GRID2: variants seen among roughly 807,000 people sequenced by gnomAD.
GRID2 encodes glutamate ionotropic receptor delta type subunit 2, also known as glutamate receptor ionotropic, delta-2.
In GRID2, 33 loss-of-function variants were observed where a neutral mutation model predicts 114.8. The ratio of observed to expected loss-of-function variants is 0.29; its 90% CI spans 0.22 to 0.38. The LOEUF (loss-of-function observed/expected upper bound fraction) is 0.38, where lower values mean the gene tolerates loss of function less well. Among genes scored for constraint, GRID2 ranks in the 10% least tolerant of loss-of-function variants. The probability of loss-of-function intolerance (pLI) is 1.00; values close to 1 mark genes in which losing one functional copy is unlikely to be tolerated. For synonymous variants in GRID2, 505 were observed against 449.9 expected (o/e 1.12, Z -1.55); for missense variants, 1,184 against 1,257.7 (o/e 0.94, Z 0.89).
intron 2 of GRID2, among the ~76,000 whole-genome samples, chr4:93,045,601 A>G (rs1482378696): frequency 2.0e-5 from 3 of 152,108 alleles, no homozygotes; most frequent in Non-Finnish European, 4.4e-5. Flanking sequence ...ATATGGGGGT[A>G]ATAATTCAAA....
chr4:93,711,529 C>T (rs966831787), intron 14 of GRID2, among the ~76,000 whole-genome samples: 4 of 152,208 alleles, frequency 2.6e-5, no homozygotes, highest in African/African-American at 7.2e-5. Context: ...CCCCAGAGCA[C>T]TTCAGCCCAC....
intron 1 of GRID2, among the ~76,000 whole-genome samples, chr4:92,345,975 T>G (rs1727743173): frequency 6.6e-6 from 1 of 152,254 alleles, no homozygotes; most frequent in African/African-American, 2.4e-5. Flanking sequence ...AGTAAATTTA[T>G]ATGTTTATGT....
intron 2 of GRID2, among the ~76,000 whole-genome samples, chr4:92,888,942 G>T (rs962185817): frequency 6.6e-6 from 1 of 151,564 alleles, no homozygotes; most frequent in African/African-American, 2.4e-5. Context: ...CATTTTACAG[G>T]TCAATTTTAT....
chr4:93,584,480 A>G (rs938654283), intron 13 of GRID2, among the ~76,000 whole-genome samples: 1 of 152,076 alleles, frequency 6.6e-6, no homozygotes, highest in Non-Finnish European at 1.5e-5. Context: ...ATGGTTGAAA[A>G]TGTTGTTTTT....
At chr4:92,549,494 G>C (rs915006908) in intron 1 of GRID2, among the ~76,000 whole-genome samples, 2 of 152,056 alleles carry the variant, frequency 1.3e-5, no homozygotes, top group South Asian at 4.1e-4. Context: ...CTTAGTCTTA[G>C]AAAATTCTCT....
chr4:92,507,198 T>C (rs1724020900), intron 1 of GRID2, among the ~76,000 whole-genome samples: 1 of 151,966 alleles, frequency 6.6e-6, no homozygotes. Flanking sequence ...TTTGATAGCT[T>C]TACATGCAGT....
intron 4 of GRID2, among the ~76,000 whole-genome samples, chr4:93,156,652 TTGGC>T: frequency 6.6e-6 from 1 of 151,778 alleles, no homozygotes; most frequent in Non-Finnish European, 1.5e-5. Context: ...GATGGATACT[TTGGC>T]AAGGGTGGAA....
intron 11 of GRID2, among the ~76,000 whole-genome samples, chr4:93,468,029 C>A (rs1724456102): frequency 6.6e-6 from 1 of 152,166 alleles, no homozygotes; most frequent in South Asian, 2.1e-4. Flanking sequence ...CATATTGCAT[C>A]ATTTCTTCTA....
At chr4:92,451,198 A>C (rs1720905477) in intron 1 of GRID2, among the ~76,000 whole-genome samples, 1 of 152,142 alleles carries the variant, frequency 6.6e-6, no homozygotes, top group Non-Finnish European at 1.5e-5. Flanking sequence ...AAGAATGTAC[A>C]TTGGTTCTGA....
At chr4:93,286,347 T>C (rs1363685331) in intron 8 of GRID2, among the ~76,000 whole-genome samples, 1 of 152,130 alleles carries the variant, frequency 6.6e-6, no homozygotes, top group East Asian at 1.9e-4. Context: ...ATACCAATGA[T>C]TGGCTCCCAG....
chr4:92,640,456 C>T (rs749757735), intron 2 of GRID2, among the ~76,000 whole-genome samples: 9 of 151,678 alleles, frequency 5.9e-5, no homozygotes, highest in African/African-American at 1.5e-4. Context: ...GAAAAATTAA[C>T]GTAAAATCAT....
At position 92,648,714 on chromosome 4, in the gene GRID2, T is replaced by C. The variant is rs1214491382; in HGVS notation, c.244+58428T>C. On this transcript the variant is annotated intron_variant, in intron 2 of 15. Coordinates refer to ENST00000282020, the MANE Select transcript of GRID2 (RefSeq NM_001510.4). ...CAAGGGCATTGCTTGAAATGAGTTATGGAAGTATACCACAACCATTTTAGT... is the reference window on the plus strand; with the variant it reads ...CAAGGGCATTGCTTGAAATGAGTTACGGAAGTATACCACAACCATTTTAGT... 1.3e-5 allele frequency among the ~76,000 whole-genome samples: 2 copies of C among 149,260 alleles called. 1 individual carries two copies. Among genetic ancestry groups the C allele is most frequent in the African/African-American group, 5.1e-5 (2 of 39,576 alleles).
intron 1 of GRID2, among the ~76,000 whole-genome samples, chr4:92,314,095 TTTTTTC>T (rs989670615): frequency 2.0e-5 from 3 of 152,102 alleles, no homozygotes; most frequent in African/African-American, 7.2e-5. Context: ...AAATCTGTTT[TTTTTTC>T]TTTTTCTTTT....
chr4:93,766,520 A>G (rs959713661), intron 14 of GRID2, among the ~76,000 whole-genome samples: 1 of 152,202 alleles, frequency 6.6e-6, no homozygotes, highest in African/African-American at 2.4e-5. Flanking sequence ...TTGTGTGGGG[A>G]CACGGAGCCA....
chr4:93,042,730 G>C (rs956150581), intron 2 of GRID2, among the ~76,000 whole-genome samples: 1 of 146,494 alleles, frequency 6.8e-6, no homozygotes, highest in Non-Finnish European at 1.5e-5. Context: ...TATAGAGAGA[G>C]AGATAGAGAG....
chr4:92,475,425 A>T (rs191691575), intron 1 of GRID2, among the ~76,000 whole-genome samples: 294 of 151,546 alleles, frequency 1.9e-3, no homozygotes, highest in Non-Finnish European at 3.2e-3. Flanking sequence ...TATTGAAGAG[A>T]ATGTCCTTTC....
chr4:92,865,581 T>G (rs1370793017), intron 2 of GRID2, among the ~76,000 whole-genome samples: 2 of 152,216 alleles, frequency 1.3e-5, no homozygotes, highest in Non-Finnish European at 2.9e-5. Context: ...GCTATCATAT[T>G]CCCTTCAGGC....
intron 12 of GRID2, among the ~76,000 whole-genome samples, chr4:93,495,516 T>C (rs1273630639): frequency 6.6e-6 from 1 of 151,702 alleles, no homozygotes; most frequent in Non-Finnish European, 1.5e-5. Context: ...TGGGACTAAA[T>C]CATCGAGGGC....
At chr4:93,061,057 T>C (rs1727744592) in intron 2 of GRID2, among the ~76,000 whole-genome samples, 1 of 151,660 alleles carries the variant, frequency 6.6e-6, no homozygotes, top group African/African-American at 2.4e-5. Flanking sequence ...GAGCCAAAAT[T>C]GCACCACTGC....
Sources: allele counts gnomAD v4.1 joint callset (sites outside exome capture counted in the v4.1 genomes callset), GRCh38; gene constraint gnomAD v4.1.1; transcripts MANE v1.5; gene names NCBI Gene and HGNC (gene_info 2026-07-23, HGNC 2026-07-21).